Variants in NUDT4 observed in about 807,000 individuals in gnomAD.
NUDT4 encodes diphosphoinositol polyphosphate phosphohydrolase 2.
Under a neutral mutation model 23.1 loss-of-function variants are expected in NUDT4, and 5 were observed. That is an observed-to-expected ratio of 0.22 (90% CI 0.11 to 0.46). The LOEUF is 0.46. NUDT4 is among the 20% of genes least tolerant of loss of function. The pLI is 0.99. For synonymous variants in NUDT4, 50 were observed against 79.0 expected, an observed-to-expected ratio of 0.63 and a Z score of 1.95; for missense variants, 96 against 211.6, an observed-to-expected ratio of 0.45 and a Z score of 3.39.
chr12:93,394,066 G>A (rs912373794), intron 1 of NUDT4, among the ~76,000 whole-genome samples: 4 of 151,984 alleles, frequency 2.6e-5, no homozygotes, highest in East Asian at 1.9e-4. Flanking sequence ...ATGGTGGCAC[G>A]ATCTCAGTTC....
chr12:93,394,552 G>T, intron 1 of NUDT4, 57 bp from the exon 2 acceptor site: 1 of 947,686 alleles, frequency 1.1e-6, no homozygotes, highest in Non-Finnish European at 1.7e-6. Context: ...TGAGAATGTT[G>T]TTTATATACG....
intron 1 of NUDT4, among the ~76,000 whole-genome samples, chr12:93,388,447 C>T (rs1438329728): frequency 6.6e-6 from 1 of 152,172 alleles, no homozygotes; most frequent in Non-Finnish European, 1.5e-5. Context: ...TGTTGAGTAT[C>T]ACACAATTAG....
chr12:93,398,932 CT>C, intron 4 of NUDT4, 77 bp downstream of exon 4: 1 of 1,053,952 alleles, frequency 9.5e-7, no homozygotes, highest in Non-Finnish European at 1.4e-6. Context: ...GGTAAGTTCC[CT>C]TTTGTTATCT....
Position 93,405,450 on chromosome 12 carries a change from A to G in NUDT4, c.*6071A>G, listed in dbSNP as rs1877753118. 2 of 152,238 alleles carry G rather than the reference A, an allele frequency of 1.3e-5. No individual in the cohort carries two copies. Among genetic ancestry groups the G allele is most frequent in the Non-Finnish European group, 2.9e-5 (2 of 68,044 alleles). 9.4% of individuals were successfully genotyped at this position (152,238 alleles called of 1,614,324 possible). A position where few individuals can be genotyped will look rare whatever the true frequency, so the allele number is the denominator to read the frequency against. ...CAGCAGGGCCATACAAGACACATGA[A>G]ATGAGATCAGCTCAAGGGTGACAAG... On this transcript the variant is annotated 3_prime_UTR_variant, in exon 5 of 5. Coordinates refer to ENST00000415493, the MANE Select transcript of NUDT4 (RefSeq NM_019094.6).
chr12:93,399,292 A>G lies in NUDT4; in HGVS notation c.456A>G (p.Gly152=), dbSNP rs1466859982. Residue 152 remains glycine, a synonymous_variant, in exon 5 of 5, where the codon GGA becomes GGG. Transcript: ENST00000415493. ...KLKLGCSPAN[G]NSTVPSLPDN... ...AGCTGGGTTGTTCCCCAGCCAATGGAAATTCTACAGTCCCTTCCCTTCCGG... is the reference window on the plus strand; with the variant it reads ...AGCTGGGTTGTTCCCCAGCCAATGGGAATTCTACAGTCCCTTCCCTTCCGG... 1 of 1,119,438 alleles carries G rather than the reference A, an allele frequency of 8.9e-7. No homozygotes were observed. The highest frequency in any genetic ancestry group is 2.4e-5 in the East Asian group (1 of 42,288). The allele number at this position is 1,119,438 out of a possible 1,614,324, so 69.3% of individuals were successfully genotyped here.
chr12:93,393,000 G>T (rs1039190434), intron 1 of NUDT4, among the ~76,000 whole-genome samples: 1 of 139,710 alleles, frequency 7.2e-6, no homozygotes, highest in Non-Finnish European at 1.6e-5. Flanking sequence ...TTTAAAAGAT[G>T]GGTATGTAAT....
chr12:93,399,410 G>T lies in NUDT4; in HGVS notation c.*31G>T, dbSNP rs375896561. Reference sequence around the variant, plus strand: ...ACTGGGTAGGCCTCTCCCACCATGTGCAGTCTCATGGGGAGAGGCTTCTTT... The same window carrying T: ...ACTGGGTAGGCCTCTCCCACCATGTTCAGTCTCATGGGGAGAGGCTTCTTT... On this transcript the variant is annotated 3_prime_UTR_variant, in exon 5 of 5. Transcript: ENST00000415493. 1 of 585,964 alleles carries T rather than the reference G, an allele frequency of 1.7e-6. No homozygotes were observed. The highest frequency in any genetic ancestry group is 3.0e-6 in the Non-Finnish European group (1 of 336,314). 36.3% of individuals were successfully genotyped at this position (585,964 alleles called of 1,614,324 possible). A position where few individuals can be genotyped will look rare whatever the true frequency, so the allele number is the denominator to read the frequency against.
At chr12:93,389,265 G>C (rs981014585) in intron 1 of NUDT4, among the ~76,000 whole-genome samples, 1 of 152,040 alleles carries the variant, frequency 6.6e-6, no homozygotes, top group Non-Finnish European at 1.5e-5. Flanking sequence ...CTGAGGTCTG[G>C]AGTTCAAGAC....
At chr12:93,391,380 C>T (rs113131148) in intron 1 of NUDT4, among the ~76,000 whole-genome samples, 4,153 of 151,836 alleles carry the variant, frequency 0.027, 200 homozygotes, top group African/African-American at 0.095. Context: ...GTCTGGCCAA[C>T]GTGGCGAAAC....
At chr12:93,398,206 G>T (rs890827210) in intron 3 of NUDT4, among the ~76,000 whole-genome samples, 1 of 151,776 alleles carries the variant, frequency 6.6e-6, no homozygotes, top group Admixed American at 6.6e-5. Flanking sequence ...CAGGCGTGGT[G>T]GCGTGCACCT....
chr12:93,385,100 T>C (rs141341867), intron 1 of NUDT4: 1 of 152,318 alleles, frequency 6.6e-6, no homozygotes, highest in Non-Finnish European at 1.5e-5. Flanking sequence ...TAAATGCTTT[T>C]CTCCAAATGC....
rs1877688925 is a variant in NUDT4, at chr12:93,404,437, G to GCATACCTTTTCATACATACCCTTT, written c.*5063_*5064insCTTTTCATACATACCCTTTCATAC. On this transcript the variant is annotated 3_prime_UTR_variant, in exon 5 of 5. Transcript: ENST00000415493. ...TACTGAGTAGTATTTTATCACAGCTGCATACATACCCTTTCACCCAACAGT... is the reference window on the plus strand; with the variant it reads ...TACTGAGTAGTATTTTATCACAGCTGCATACCTTTTCATACATACCCTTTCATACATACCCTTTCACCCAACAGT... The GCATACCTTTTCATACATACCCTTT allele has an allele frequency of 2.0e-5, 3 of 152,158 alleles. No individual in the cohort carries two copies. The highest frequency in any genetic ancestry group is 2.0e-4 in the Admixed American group (3 of 15,272). The allele number at this position is 152,158 out of a possible 1,614,324, so 9.4% of individuals were successfully genotyped here. A position where few individuals can be genotyped will look rare whatever the true frequency, so the allele number is the denominator to read the frequency against.
At chr12:93,393,985 A>G (rs891645877) in intron 1 of NUDT4, among the ~76,000 whole-genome samples, 31 of 152,098 alleles carry the variant, frequency 2.0e-4, no homozygotes, top group African/African-American at 7.5e-4. Context: ...AGTGCATACA[A>G]CTCTGGCTAA....
intron 1 of NUDT4, 47 bp from the exon 2 acceptor site, chr12:93,394,562 G>A (rs757952204): frequency 9.6e-6 from 10 of 1,038,174 alleles, no homozygotes; most frequent in South Asian, 5.5e-5. Flanking sequence ...GTTTATATAC[G>A]AAGTGCTTCT....
intron 2 of NUDT4, among the ~76,000 whole-genome samples, chr12:93,395,003 C>T (rs187738297): frequency 1.4e-4 from 21 of 152,046 alleles, no homozygotes; most frequent in African/African-American, 4.3e-4. Context: ...CACGTGCCAC[C>T]GCGTCTGGCT....
intron 1 of NUDT4, among the ~76,000 whole-genome samples, chr12:93,387,693 T>C (rs1422570978): frequency 1.3e-5 from 2 of 152,200 alleles, no homozygotes; most frequent in Non-Finnish European, 2.9e-5. Flanking sequence ...GGTCTAGATC[T>C]AGTGCTGGGG....
chr12:93,386,404 C>G (rs1201937132), intron 1 of NUDT4, among the ~76,000 whole-genome samples: 1 of 152,004 alleles, frequency 6.6e-6, no homozygotes, highest in Admixed American at 6.6e-5. Flanking sequence ...TGGTGAAACT[C>G]AGTCTCCACT....
At chr12:93,396,875 CAA>C (rs780959299) in intron 3 of NUDT4, among the ~76,000 whole-genome samples, 16 of 152,218 alleles carry the variant, frequency 1.1e-4, no homozygotes, top group Non-Finnish European at 1.8e-4. Context: ...TCTCAAAAAA[CAA>C]AGAGAAAAGT....
At chr12:93,394,759 A>G in intron 2 of NUDT4, 40 bp downstream of exon 2, 1 of 1,301,752 alleles carries the variant, frequency 7.7e-7, no homozygotes, top group Non-Finnish European at 1.1e-6. Context: ...TCGGAGTTTT[A>G]AAAACAAGGC....
Sources: gnomAD v4.1 joint callset for allele counts (sites outside exome capture counted in the v4.1 genomes callset) on GRCh38, gnomAD v4.1.1 for gene constraint, MANE v1.5 for transcripts, NCBI Gene and HGNC (gene_info 2026-07-23, HGNC 2026-07-21) for gene names.